The following TRAPPC8 variants were observed in gnomAD, a reference collection of about 807,000 sequenced individuals.
The protein encoded by TRAPPC8 is general sporulation gene 1 homolog.
TRAPPC8 carries 54 observed loss-of-function variants against 174.3 expected under a neutral mutation model. The ratio of observed to expected loss-of-function variants is 0.31; its 90% CI spans 0.25 to 0.39. The LOEUF is 0.39. TRAPPC8 is among the 10% of genes least tolerant of loss of function. TRAPPC8 has a pLI of 1.00. For missense variants in TRAPPC8, 1,531 were observed against 1,699.1 expected, an observed-to-expected ratio of 0.90 and a Z score of 1.74; for synonymous variants, 630 against 579.9, an observed-to-expected ratio of 1.09 and a Z score of -1.24.
chr18:31,836,058 G>C (rs1300681861), intron 27 of TRAPPC8, among the ~76,000 whole-genome samples: 3 of 152,278 alleles, frequency 2.0e-5, no homozygotes, highest in African/African-American at 7.2e-5. Context: ...TTTGTTATAA[G>C]CTACTCATTT....
At chr18:31,848,840 T>C (rs1294707413) in intron 25 of TRAPPC8, among the ~76,000 whole-genome samples, 2 of 152,192 alleles carry the variant, frequency 1.3e-5, no homozygotes, top group Non-Finnish European at 2.9e-5. Context: ...GGGTGTAACG[T>C]AAGAATTAAG....
intron 27 of TRAPPC8, chr18:31,833,315 T>C (rs185654152): frequency 3.3e-5 from 5 of 152,348 alleles, no homozygotes; most frequent in Admixed American, 1.3e-4. Flanking sequence ...AATGTGAACA[T>C]GTGGATATCT....
intron 19 of TRAPPC8, among the ~76,000 whole-genome samples, chr18:31,860,824 A>T (rs547132059): frequency 6.6e-6 from 1 of 152,312 alleles, no homozygotes; most frequent in African/African-American, 2.4e-5. Context: ...GGCTTTCTGT[A>T]ATGCCCATCA....
At chr18:31,837,605 C>A (rs994496894) in intron 27 of TRAPPC8, among the ~76,000 whole-genome samples, 4 of 151,734 alleles carry the variant, frequency 2.6e-5, no homozygotes, top group Non-Finnish European at 4.4e-5. Context: ...GGCTGAGGCA[C>A]GAGAATCACT....
intron 27 of TRAPPC8, among the ~76,000 whole-genome samples, chr18:31,835,311 C>G (rs1378623966): frequency 1.3e-5 from 2 of 152,152 alleles, no homozygotes; most frequent in African/African-American, 2.4e-5. Context: ...TCTCTCGCTA[C>G]CCTCCTCTGT....
At chr18:31,920,228 G>C (rs1568137445) in intron 2 of TRAPPC8, among the ~76,000 whole-genome samples, 1 of 152,124 alleles carries the variant, frequency 6.6e-6, no homozygotes, top group Non-Finnish European at 1.5e-5. Context: ...ATAAATTATA[G>C]TCATATGAAA....
At chr18:31,880,090 A>ATATATATATATAT (rs1555668934) in intron 12 of TRAPPC8, among the ~76,000 whole-genome samples, 2 of 85,380 alleles carry the variant, frequency 2.3e-5, no homozygotes, top group Admixed American at 1.2e-4. Context: ...TGAAAAAAAA[A>ATATATATATATAT]ATATATATAT....
Position 31,906,045 on chromosome 18 carries a change from C to G in TRAPPC8, c.1389+1415G>C, listed in dbSNP as rs533801556. ...TATATTTTCAAACACTTCTCATGAA[C>G]ATAGCATATTTTCCATTTCTATGAA... On this transcript the variant is annotated intron_variant, in intron 9 of 28. Coordinates refer to ENST00000283351, the MANE Select transcript of TRAPPC8 (RefSeq NM_014939.5). 5.9e-5 allele frequency among the ~76,000 whole-genome samples: 9 copies of G among 151,956 alleles called. 1 individual carries two copies. In the East Asian group the frequency reaches 1.7e-3, roughly 29 times the overall value.
In TRAPPC8 at chr18:31,877,543, G is replaced by T. The variant is rs182218984; in HGVS notation, c.1729-2839C>A. On this transcript the variant is annotated intron_variant, in intron 12 of 28. Coordinates refer to ENST00000283351, the MANE Select transcript of TRAPPC8 (RefSeq NM_014939.5). The stretch of plus-strand genomic sequence containing the variant: ...AAGAGAATGGCATGAACCCCGGGGG[G>T]CGGAGCCTGCAGTGAGCCAAGATCG... Among the ~76,000 whole-genome samples the T allele has an allele frequency of 2.6e-3, 386 of 147,678 alleles. 1 individual carries two copies. Among genetic ancestry groups the T allele is most frequent in the African/African-American group, 8.8e-3 (350 of 39,762 alleles).
intron 7 of TRAPPC8, 100 bp downstream of exon 7, chr18:31,908,654 T>C: frequency 7.6e-7 from 1 of 1,311,936 alleles, no homozygotes. Flanking sequence ...TGGCCTATCT[T>C]AAAACGAAAA....
At chr18:31,877,967 C>T (rs972171673) in intron 12 of TRAPPC8, among the ~76,000 whole-genome samples, 4 of 150,802 alleles carry the variant, frequency 2.7e-5, no homozygotes, top group Non-Finnish European at 4.4e-5. Flanking sequence ...ACTGGGCTTG[C>T]AGGAAGGGCA....
At chr18:31,898,323 T>A (rs534944430) in intron 10 of TRAPPC8, among the ~76,000 whole-genome samples, 3 of 152,134 alleles carry the variant, frequency 2.0e-5, no homozygotes, top group Non-Finnish European at 4.4e-5. Context: ...AGAAAAGAAG[T>A]CTATGTCCTT....
chr18:31,879,618 A>T (rs557904652), intron 12 of TRAPPC8, among the ~76,000 whole-genome samples: 10 of 152,246 alleles, frequency 6.6e-5, no homozygotes, highest in Middle Eastern at 3.4e-3. Context: ...AGATCAGAGC[A>T]GATCTTTATT....
rs1568031559 is a variant in TRAPPC8 at position 31,839,312 on chromosome 18, CT to C, written c.3982del (p.Ser1328AlafsTer4). 1.3e-6 allele frequency: 2 copies of C among 1,589,190 alleles called. No individual in the cohort carries two copies. The highest frequency in any genetic ancestry group is 1.2e-5 in the South Asian group (1 of 85,096). ...ESFNHPFHQK[S>X]LCLVPVTLLL... Reference sequence around the variant, plus strand: ...TTGGTAACAAAAATAAAGCTCAAACCTTTTTTGATGAAATGGATGATTAAAT... The same window carrying C: ...TTGGTAACAAAAATAAAGCTCAAACCTTTTTGATGAAATGGATGATTAAAT... On this transcript the variant is annotated frameshift_variant and splice_region_variant, in exon 27 of 29. Coordinates refer to ENST00000283351, the MANE Select transcript of TRAPPC8 (RefSeq NM_014939.5). LOFTEE classifies it high-confidence loss of function.
chr18:31,859,490 G>A (rs79592171), intron 19 of TRAPPC8, among the ~76,000 whole-genome samples: 92 of 152,208 alleles, frequency 6.0e-4, no homozygotes, highest in African/African-American at 2.1e-3. Flanking sequence ...AACTTGTGGA[G>A]GAATTATTAA....
chr18:31,857,224 C>T (rs538121038), intron 20 of TRAPPC8, among the ~76,000 whole-genome samples: 35 of 152,198 alleles, frequency 2.3e-4, no homozygotes, highest in Admixed American at 6.5e-4. Flanking sequence ...ATAAATGACG[C>T]CCTATTTTAA....
rs149840013 is a variant in TRAPPC8, at chr18:31,839,471, G to A, written c.3838-14C>T. Reference sequence around the variant, plus strand: ...TTCTGGTGGCTCCTGAGAAAAGAAAGAAAAAACATATGACAATAAAAACAC... The same window carrying A: ...TTCTGGTGGCTCCTGAGAAAAGAAAAAAAAAACATATGACAATAAAAACAC... On this transcript the variant is annotated splice_polypyrimidine_tract_variant and intron_variant, in intron 26 of 28. Coordinates refer to ENST00000283351, the MANE Select transcript of TRAPPC8 (RefSeq NM_014939.5). 2,279 of 1,476,888 alleles carry A rather than the reference G, an allele frequency of 1.5e-3. 27 individuals are homozygous for A. In the African/African-American group the frequency reaches 0.025, roughly 16 times the overall value. 91.5% of individuals were successfully genotyped at this position (1,476,888 alleles called of 1,614,324 possible).
rs1321957382 is a variant in TRAPPC8 at position 31,839,294 on chromosome 18, C to T, written c.3983+18G>A. Reference sequence around the variant, plus strand: ...AGTGTGTTGTAGAAAATTTTGGTAACAAAAATAAAGCTCAAACCTTTTTTG... The same window carrying T: ...AGTGTGTTGTAGAAAATTTTGGTAATAAAAATAAAGCTCAAACCTTTTTTG... On this transcript the variant is annotated intron_variant, in intron 27 of 28. Transcript: ENST00000283351. The T allele has an allele frequency of 6.3e-7, 1 of 1,582,158 alleles. No individual in the cohort carries two copies. Among genetic ancestry groups the T allele is most frequent in the Admixed American group, 1.9e-5 (1 of 53,124 alleles).
In TRAPPC8 at chr18:31,931,300, A is replaced by C. The variant is rs765249756; in HGVS notation, c.352+29T>G. 4.2e-5 allele frequency: 62 copies of C among 1,472,260 alleles called. No homozygotes were observed. In the Middle Eastern group the frequency reaches 5.4e-4, roughly 13 times the overall value. The allele number at this position is 1,472,260 out of a possible 1,614,324, so 91.2% of individuals were successfully genotyped here. A position where few individuals can be genotyped will look rare whatever the true frequency, so the allele number is the denominator to read the frequency against. Reference sequence around the variant, plus strand: ...TTTCTAACAAAACGAAATTTCACTCAAAAAATAACAATAAACCTTGTTACA... The same window carrying C: ...TTTCTAACAAAACGAAATTTCACTCCAAAAATAACAATAAACCTTGTTACA... On this transcript the variant is annotated intron_variant, in intron 2 of 28. Transcript: ENST00000283351.
Sources: gnomAD v4.1 joint callset for allele counts (sites outside exome capture counted in the v4.1 genomes callset) on GRCh38, gnomAD v4.1.1 for gene constraint, MANE v1.5 for transcripts, NCBI Gene and HGNC (gene_info 2026-07-23, HGNC 2026-07-21) for gene names.